Variants in NRG1 observed in about 807,000 individuals in gnomAD.
The protein encoded by NRG1 is neuregulin 1, also known as pro-neuregulin-1, membrane-bound isoform.
In NRG1, 18 loss-of-function variants were observed where a neutral mutation model predicts 63.8. The observed-to-expected ratio is 0.28, with a 90% CI of 0.19 to 0.42. NRG1 has a LOEUF of 0.42. Ranked by LOEUF, NRG1 falls within the 10% of genes least tolerant of loss-of-function variation. NRG1 has a pLI of 1.00. For missense variants in NRG1, 762 were observed against 814.7 expected (o/e 0.94, Z 0.79); for synonymous variants, 302 against 301.3 (o/e 1.00, Z -0.02).
At chr8:32,449,666 G>A (rs980740437) in intron 1 of NRG1, among the ~76,000 whole-genome samples, 1 of 152,168 alleles carries the variant, frequency 6.6e-6, no homozygotes, top group Non-Finnish European at 1.5e-5. Context: ...TCTAACAGAA[G>A]AAACATGAAA....
intron 1 of NRG1, among the ~76,000 whole-genome samples, chr8:32,127,008 C>G (rs867709124): frequency 6.6e-6 from 1 of 151,906 alleles, no homozygotes; most frequent in Middle Eastern, 3.4e-3. Context: ...CACTTCAGTT[C>G]AATGAAAAGT....
At chr8:32,764,439 T>C (rs1269490359) in exon 12 of NRG1, 1 of 1,448,942 alleles carries the variant, frequency 6.9e-7, no homozygotes, top group South Asian at 1.4e-5. Context: ...TGTAAAACTT[T>C]ATTTTATATA....
At chr8:31,928,059 T>C (rs1834539165) in intron 1 of NRG1, among the ~76,000 whole-genome samples, 1 of 150,052 alleles carries the variant, frequency 6.7e-6, no homozygotes, top group Non-Finnish European at 1.5e-5. Context: ...CTCTAAATAA[T>C]GAAAGCTCCT....
chr8:32,093,938 A>G (rs1426394213), intron 1 of NRG1, among the ~76,000 whole-genome samples: 1 of 152,200 alleles, frequency 6.6e-6, no homozygotes, highest in Non-Finnish European at 1.5e-5. Context: ...ATGCAAAAAC[A>G]TGAGCGGTGA....
At chr8:32,719,475 A>G (rs113232907) in intron 5 of NRG1, among the ~76,000 whole-genome samples, 6 of 152,148 alleles carry the variant, frequency 3.9e-5, no homozygotes, top group African/African-American at 1.4e-4. Context: ...ATATTTCAGT[A>G]TGTATCTCTA....
chr8:31,718,968 T>G lies in NRG1; in HGVS notation c.37+79537T>G, dbSNP rs1812635024. Among the ~76,000 whole-genome samples the G allele has an allele frequency of 2.6e-5, 4 of 152,172 alleles. No homozygotes were observed. In the South Asian group the frequency reaches 8.3e-4, roughly 32 times the overall value. On this transcript the variant is annotated intron_variant, in intron 1 of 10. Coordinates refer to the NRG1 transcript ENST00000519301. The stretch of plus-strand genomic sequence containing the variant: ...ATGTGTATGTATATGTATACATATA[T>G]TATTTGGATATTCCAGTCAGTGGTA...
chr8:32,337,107 T>C (rs1035100170), intron 1 of NRG1, among the ~76,000 whole-genome samples: 1 of 152,124 alleles, frequency 6.6e-6, no homozygotes. Flanking sequence ...ACTCCTGTGC[T>C]CAAAGCTATC....
rs142680540 is a variant in NRG1 at position 32,450,519 on chromosome 8, A to T, written c.38-145309A>T. ...GCAGCCTTAACCCCCAGGCTCAAACAATCCTCCCACCTCAGCCTCCCAAAT... is the reference window on the plus strand; with the variant it reads ...GCAGCCTTAACCCCCAGGCTCAAACTATCCTCCCACCTCAGCCTCCCAAAT... On this transcript the variant is annotated intron_variant, in intron 1 of 10. Transcript: ENST00000519301. Among the ~76,000 whole-genome samples, 232 of 152,228 alleles carry T rather than the reference A, an allele frequency of 1.5e-3. 1 individual carries two copies. The highest frequency in any genetic ancestry group is 5.5e-3 in the African/African-American group (227 of 41,534).
At chr8:32,513,618 G>A (rs1420992164) in intron 1 of NRG1, among the ~76,000 whole-genome samples, 4 of 152,050 alleles carry the variant, frequency 2.6e-5, no homozygotes, top group African/African-American at 7.2e-5. Context: ...TTTGAGGTTT[G>A]GTCAATGAAT....
At chr8:32,126,427 T>C (rs1010480023) in intron 1 of NRG1, among the ~76,000 whole-genome samples, 5 of 151,852 alleles carry the variant, frequency 3.3e-5, no homozygotes, top group Admixed American at 2.0e-4. Context: ...GAAATTTGGC[T>C]GCAGTACAAG....
chr8:31,746,135 A>G (rs1236005233), intron 1 of NRG1, among the ~76,000 whole-genome samples: 1 of 151,880 alleles, frequency 6.6e-6, no homozygotes, highest in Non-Finnish European at 1.5e-5. Flanking sequence ...GTGTAGGAGG[A>G]AAAGAGGATG....
At chr8:32,416,246 A>G (rs1815891586) in intron 1 of NRG1, among the ~76,000 whole-genome samples, 1 of 152,090 alleles carries the variant, frequency 6.6e-6, no homozygotes, top group Non-Finnish European at 1.5e-5. Flanking sequence ...GTGGTGCCAG[A>G]CCCTGGCAAA....
chr8:31,906,972 A>G (rs1832568156), intron 1 of NRG1, among the ~76,000 whole-genome samples: 1 of 152,196 alleles, frequency 6.6e-6, no homozygotes, highest in African/African-American at 2.4e-5. Context: ...TTTAGGAGAG[A>G]AATCAGAAAA....
At chr8:32,622,545 T>C (rs923782522) in intron 5 of NRG1, among the ~76,000 whole-genome samples, 1 of 151,894 alleles carries the variant, frequency 6.6e-6, no homozygotes, top group African/African-American at 2.4e-5. Flanking sequence ...TGGGACTACA[T>C]GCGTGTGCCA....
intron 1 of NRG1, among the ~76,000 whole-genome samples, chr8:31,777,450 C>T (rs1452308178): frequency 6.6e-6 from 1 of 152,216 alleles, no homozygotes; most frequent in Non-Finnish European, 1.5e-5. Flanking sequence ...TGGGGCAGAG[C>T]CCCAGGCTCA....
chr8:32,232,720 A>G (rs1586255550), intron 1 of NRG1, among the ~76,000 whole-genome samples: 1 of 152,178 alleles, frequency 6.6e-6, no homozygotes, highest in East Asian at 1.9e-4. Context: ...AGCAAGGGTC[A>G]TAGGAAAATG....
chr8:32,133,999 A>T (rs1309725306), intron 1 of NRG1, among the ~76,000 whole-genome samples: 6 of 152,152 alleles, frequency 3.9e-5, no homozygotes, highest in Admixed American at 2.6e-4. Context: ...ACTTAAAAAC[A>T]AAAGTCCAGA....
At chr8:31,988,295 T>C (rs764462927) in intron 1 of NRG1, among the ~76,000 whole-genome samples, 43 of 152,114 alleles carry the variant, frequency 2.8e-4, no homozygotes, top group Non-Finnish European at 3.8e-4. Context: ...AGTTCGACCA[T>C]AACTAAAGAG....
chr8:32,236,205 G>T (rs976090989), intron 1 of NRG1, among the ~76,000 whole-genome samples: 5 of 151,542 alleles, frequency 3.3e-5, no homozygotes, highest in Non-Finnish European at 5.9e-5. Flanking sequence ...TCGTTTTTTG[G>T]AATGAAAAGG....
Sources: allele counts gnomAD v4.1 joint callset (sites outside exome capture counted in the v4.1 genomes callset), GRCh38; gene constraint gnomAD v4.1.1; transcripts MANE v1.5; gene names NCBI Gene and HGNC (gene_info 2026-07-23, HGNC 2026-07-21).